LRRC15: variants seen among roughly 807,000 people sequenced by gnomAD.
LRRC15 encodes leucine-rich repeat-containing protein 15.
A neutral mutation model predicts 4.3 loss-of-function variants in LRRC15; 5 were observed. The observed-to-expected ratio is 1.16, with a 90% CI of 0.61 to 2.44. LRRC15 has a LOEUF of 2.44. Ranked by LOEUF, LRRC15 falls within the 30% of genes most tolerant of loss-of-function variation. The pLI, the probability that LRRC15 is intolerant of heterozygous loss-of-function variation, is 0.01. For synonymous variants in LRRC15, 337 were observed against 323.2 expected (o/e 1.04, Z -0.46); for missense variants, 769 against 747.0 (o/e 1.03, Z -0.34).
chr3:194,366,079 C>G (rs1713764769), intron 1 of LRRC15, among the ~76,000 whole-genome samples: 1 of 152,242 alleles, frequency 6.6e-6, no homozygotes, highest in African/African-American at 2.4e-5. Flanking sequence ...GGGTCTGTCC[C>G]CACTGCCCAC....
rs1048601401 is a variant in LRRC15, at chr3:194,363,946, G to T, written c.-3-2900C>A. 3.9e-5 allele frequency among the ~76,000 whole-genome samples: 6 copies of T among 152,182 alleles called. No individual in the cohort carries two copies. The East Asian group carries it at 1.2e-3, about 29-fold the overall frequency. On this transcript the variant is annotated intron_variant, in intron 1 of 1. Coordinates refer to ENST00000347624, the MANE Select transcript of LRRC15 (RefSeq NM_130830.5). ...CCTAGCATCCCTGAAGGGCTGCCAC[G>T]GGATACAGAAAGAACCTAGCTCAGT...
At position 194,360,773 on chromosome 3, in the gene LRRC15, G is replaced by C; in HGVS notation, c.271C>G (p.Arg91Gly). 6.2e-7 allele frequency: 1 copy of C among 1,614,242 alleles called. No individual in the cohort carries two copies. The highest frequency in any genetic ancestry group is 1.1e-5 in the South Asian group (1 of 91,088). ...ALRIEKNELS[R>G]ITPGAFRNLG... ...TTTCGGAAGGCCCCAGGCGTGATGC[G>C]CGACAGCTCATTCTTCTCAATCCTC... The change falls in exon 2 of 2, where the codon CGC becomes GGC. Residue 91 changes from arginine to glycine, a missense_variant. Coordinates refer to ENST00000347624, the MANE Select transcript of LRRC15 (RefSeq NM_130830.5).
intron 1 of LRRC15, among the ~76,000 whole-genome samples, chr3:194,366,795 T>C (rs1713793043): frequency 6.6e-6 from 1 of 151,342 alleles, no homozygotes; most frequent in Admixed American, 6.6e-5. Context: ...AGTCAAACCG[T>C]CTGCTCATTT....
rs564158289 is a variant in LRRC15, at chr3:194,369,053, G to C, written c.-4+608C>G. Among the ~76,000 whole-genome samples, 9 of 152,328 alleles carry C rather than the reference G, an allele frequency of 5.9e-5. No homozygotes were observed. The East Asian group carries it at 1.7e-3, about 29-fold the overall frequency. On this transcript the variant is annotated intron_variant, in intron 1 of 1. Transcript: ENST00000347624. ...CCTGAACAATGCTGAGCCCATGTCCGAATTCCAAATTGGAACTGCAAACCA... is the reference window on the plus strand; with the variant it reads ...CCTGAACAATGCTGAGCCCATGTCCCAATTCCAAATTGGAACTGCAAACCA...
rs974755935 is a variant in LRRC15, at chr3:194,357,722, G to A, written c.*1576C>T. 1 of 150,200 alleles carries A rather than the reference G, an allele frequency of 6.7e-6. No homozygotes were observed. Among genetic ancestry groups the A allele is most frequent in the East Asian group, 1.9e-4 (1 of 5,190 alleles). 9.3% of individuals were successfully genotyped at this position (150,200 alleles called of 1,614,324 possible). A position where few individuals can be genotyped will look rare whatever the true frequency, so the allele number is the denominator to read the frequency against. ...TCGGTGTACCCCCGTGTCGCCTGCT[G>A]TAAGTGAGATTCTGAAGTTCAGCTG... On this transcript the variant is annotated 3_prime_UTR_variant, in exon 2 of 2. Transcript: ENST00000347624.
At chr3:194,363,327 C>T (rs1220811271) in intron 1 of LRRC15, 5 of 709,534 alleles carry the variant, frequency 7.0e-6, no homozygotes, top group Middle Eastern at 2.3e-4. Context: ...GCATATAGAA[C>T]AATGGAAACA....
rs1237975442 is a variant in LRRC15 at position 194,357,440 on chromosome 3, TC to T, written c.*1857del. ...CCCCGTGGAGTCAGCTGAAGTTCTT[TC>T]CTGGGCAGACGTGGAGACCTGAAAT... On this transcript the variant is annotated 3_prime_UTR_variant, in exon 2 of 2. Transcript: ENST00000347624. 2.0e-5 allele frequency: 3 copies of T among 152,212 alleles called. No individual in the cohort carries two copies. The highest frequency in any genetic ancestry group is 4.4e-5 in the Non-Finnish European group (3 of 68,050). 9.4% of individuals were successfully genotyped at this position (152,212 alleles called of 1,614,324 possible). A position where few individuals can be genotyped will look rare whatever the true frequency, so the allele number is the denominator to read the frequency against.
chr3:194,356,132 G>A lies in LRRC15; in HGVS notation c.*3166C>T, dbSNP rs1012575353. On this transcript the variant is annotated 3_prime_UTR_variant, in exon 2 of 2. Transcript: ENST00000347624. ...CCAGCCTATTGAACACCATGCAGAA[G>A]AGCAAGTGCCTCTGTACCCCATCAC... is the stretch of plus-strand genomic sequence containing the variant. The A allele has an allele frequency of 2.6e-5, 4 of 152,236 alleles. No homozygotes were observed. Among genetic ancestry groups the A allele is most frequent in the Non-Finnish European group, 4.4e-5 (3 of 68,048 alleles). The allele number at this position is 152,236 out of a possible 1,614,324, so 9.4% of individuals were successfully genotyped here.
chr3:194,365,493 T>C (rs1713750701), intron 1 of LRRC15, among the ~76,000 whole-genome samples: 1 of 152,130 alleles, frequency 6.6e-6, no homozygotes, highest in Non-Finnish European at 1.5e-5. Context: ...AGCATAACTT[T>C]TGGAGGGAGG....
In LRRC15 at chr3:194,358,168, C is replaced by G. The variant is rs1486961508; in HGVS notation, c.*1130G>C. ...CACAGGCTGACTGTGGGGGGACCGT[C>G]CTGGCTCATGGGGGGCAGGTCCCAG... On this transcript the variant is annotated 3_prime_UTR_variant, in exon 2 of 2. Transcript: ENST00000347624. 6.6e-6 allele frequency: 1 copy of G among 152,576 alleles called. No homozygotes were observed. The highest frequency in any genetic ancestry group is 1.5e-5 in the Non-Finnish European group (1 of 68,284). The allele number at this position is 152,576 out of a possible 1,614,324, so 9.5% of individuals were successfully genotyped here. A position where few individuals can be genotyped will look rare whatever the true frequency, so the allele number is the denominator to read the frequency against.
chr3:194,360,523 C>T lies in LRRC15; in HGVS notation c.521G>A (p.Gly174Glu), dbSNP rs185381044. The T allele has an allele frequency of 1.2e-6, 2 of 1,614,104 alleles. No individual in the cohort carries two copies. The highest frequency in any genetic ancestry group is 3.3e-5 in the Admixed American group (2 of 60,012). The change falls in exon 2 of 2, where the codon GGA becomes GAA. Residue 174 changes from glycine (G) to glutamate (E), a missense_variant. Physicochemically the swap from Gly to Glu is moderately conservative, Grantham distance 98 (BLOSUM62 -2). Coordinates refer to ENST00000347624, the MANE Select transcript of LRRC15 (RefSeq NM_130830.5). The stretch of plus-strand genomic sequence containing the variant: ...CTTGCCCAGATTGAGCTTCGTGAGT[C>T]CTACCAGGTGGTCGAAGGCTCCGTC... ...IPDGAFDHLV[G>E]LTKLNLGKNS... is the part of the protein sequence containing the mutation.
chr3:194,367,062 T>C (rs1025517913), intron 1 of LRRC15, among the ~76,000 whole-genome samples: 25 of 152,214 alleles, frequency 1.6e-4, no homozygotes, highest in Admixed American at 1.5e-3. Flanking sequence ...CCCAGCATGA[T>C]TCGCCAAGGG....
chr3:194,368,726 G>A (rs1173731047), intron 1 of LRRC15, among the ~76,000 whole-genome samples: 4 of 152,104 alleles, frequency 2.6e-5, no homozygotes, highest in Non-Finnish European at 4.4e-5. Context: ...CAGCTGCACC[G>A]AGGTGATGCC....
chr3:194,360,474 G>A lies in LRRC15; in HGVS notation c.570C>T (p.Pro190=), dbSNP rs2108657727. The change falls in exon 2 of 2, where the codon CCC becomes CCT. Residue 190 remains proline, a synonymous_variant. Coordinates refer to ENST00000347624, the MANE Select transcript of LRRC15 (RefSeq NM_130830.5). ...GGTTGCCCAGGTGCTGGAAGACCCTGGGTGAGATGTGGGTGAGGCTATTCT... is the reference window on the plus strand; with the variant it reads ...GGTTGCCCAGGTGCTGGAAGACCCTAGGTGAGATGTGGGTGAGGCTATTCT... ...LGKNSLTHIS[P]RVFQHLGNLQ... is the part of the protein sequence containing the mutation. 2 of 1,614,160 alleles carry A rather than the reference G, an allele frequency of 1.2e-6. No individual in the cohort carries two copies. Among genetic ancestry groups the A allele is most frequent in the Non-Finnish European group, 1.7e-6 (2 of 1,180,014 alleles).
Position 194,360,633 on chromosome 3 carries a change from C to T in LRRC15, c.411G>A (p.Leu137=). Residue 137 remains leucine, a synonymous_variant, in exon 2 of 2, where the codon CTG becomes CTA. Transcript: ENST00000347624. The stretch of plus-strand genomic sequence containing the variant: ...AGAAGTGGGCCGGCTGGATCTGCAA[C>T]AGCTGGTTACTGGACAGAAGGAGAG... ...LESLLLSSNQ[L]LQIQPAHFSQ... 6.2e-7 allele frequency: 1 copy of T among 1,614,184 alleles called. No individual in the cohort carries two copies. Among genetic ancestry groups the T allele is most frequent in the South Asian group, 1.1e-5 (1 of 91,076 alleles).
chr3:194,359,309 T>C lies in LRRC15; in HGVS notation c.1735A>G (p.Asn579Asp), dbSNP rs536890746. Residue 579 changes from asparagine (N) to aspartate (D), a missense_variant, in exon 2 of 2, where the codon AAT becomes GAT. Coordinates refer to ENST00000347624, the MANE Select transcript of LRRC15 (RefSeq NM_130830.5). ...QAVLMQMKAPNEC is the reference protein window; with the variant it reads ...QAVLMQMKAPDEC ...TCCAGCCTGCCTCTTTAACACTCAT[T>C]GGGTGCCTTCATCTGCATCAGGACA... is the stretch of plus-strand genomic sequence containing the variant. 15 of 1,591,816 alleles carry C rather than the reference T, an allele frequency of 9.4e-6. No individual in the cohort carries two copies. The highest frequency in any genetic ancestry group is 1.2e-5 in the Non-Finnish European group (14 of 1,167,888).
chr3:194,362,126 C>CTCTGTG (rs1553787676), intron 1 of LRRC15, among the ~76,000 whole-genome samples: 5 of 151,468 alleles, frequency 3.3e-5, no homozygotes, highest in Non-Finnish European at 7.4e-5. Context: ...ACATATATAA[C>CTCTGTG]TGTGTGTGTG....
At position 194,359,606 on chromosome 3, in the gene LRRC15, C is replaced by T. The variant is rs138851418; in HGVS notation, c.1438G>A (p.Glu480Lys). The change falls in exon 2 of 2, where the codon GAG becomes AAG. Residue 480 changes from glutamate to lysine, a missense_variant. Transcript: ENST00000347624. The part of the protein sequence containing the change: ...NVAVPSVHVP[E>K]VPSYPETPWY... ...GGTGTTTCTGGGTAACTAGGCACCT[C>T]GGGGACATGGACGCTTGGAACAGCA... 181 of 1,613,666 alleles carry T rather than the reference C, an allele frequency of 1.1e-4. No homozygotes were observed. In the African/African-American group the frequency reaches 1.6e-3, roughly 14 times the overall value.
intron 1 of LRRC15, 143 bp from the exon 2 acceptor site, chr3:194,361,189 G>A (rs979024105): frequency 4.3e-6 from 3 of 693,202 alleles, no homozygotes; most frequent in African/African-American, 3.6e-5. Flanking sequence ...TCTCTGCTCT[G>A]AACAGGAAGC....
Sources: gnomAD v4.1 joint callset for allele counts (sites outside exome capture counted in the v4.1 genomes callset) on GRCh38, gnomAD v4.1.1 for gene constraint, MANE v1.5 for transcripts, NCBI Gene and HGNC (gene_info 2026-07-23, HGNC 2026-07-21) for gene names.